RORA: variants seen among roughly 807,000 people sequenced by gnomAD.
The protein encoded by RORA is nuclear receptor ROR-alpha.
In RORA, 7 loss-of-function variants were observed where a neutral mutation model predicts 69.5. That is an observed-to-expected ratio of 0.10 (90% CI 0.06 to 0.19). RORA has a LOEUF of 0.19. RORA is among the 10% of genes least tolerant of loss of function. The pLI is 1.00. For missense variants in RORA, 457 were observed against 663.0 expected (o/e 0.69, Z 3.41); for synonymous variants, 261 against 240.8 (o/e 1.08, Z -0.78).
At chr15:60,651,338 G>A (rs1326674629) in intron 2 of RORA, among the ~76,000 whole-genome samples, 1 of 152,070 alleles carries the variant, frequency 6.6e-6, no homozygotes, top group Non-Finnish European at 1.5e-5. Context: ...AATACCACAC[G>A]TTGCTTGCCT....
chr15:60,947,148 A>G (rs1172770632), intron 1 of RORA, among the ~76,000 whole-genome samples: 2 of 151,490 alleles, frequency 1.3e-5, no homozygotes, highest in African/African-American at 4.9e-5. Flanking sequence ...CCCTTCTGGG[A>G]AGTGAGGAGC....
chr15:60,857,207 A>G (rs928653601), intron 1 of RORA, among the ~76,000 whole-genome samples: 4 of 152,186 alleles, frequency 2.6e-5, no homozygotes, highest in African/African-American at 9.7e-5. Context: ...TGAGGGGCAC[A>G]TGGGTGAAGT....
chr15:60,830,052 G>A (rs1237391220), intron 1 of RORA, among the ~76,000 whole-genome samples: 1 of 152,210 alleles, frequency 6.6e-6, no homozygotes, highest in African/African-American at 2.4e-5. Flanking sequence ...CTTTGTGTTA[G>A]AACTCACTCA....
chr15:60,682,000 C>T (rs1331445908), intron 1 of RORA: 1 of 152,174 alleles, frequency 6.6e-6, no homozygotes, highest in African/African-American at 2.4e-5. Flanking sequence ...CTTAAGGTAA[C>T]TAGATCTGGA....
At chr15:61,159,200 A>T (rs1046512016) in intron 1 of RORA, among the ~76,000 whole-genome samples, 1 of 152,194 alleles carries the variant, frequency 6.6e-6, no homozygotes, top group Admixed American at 6.5e-5. Context: ...CTTAGCCTAT[A>T]TCAAGAGTCC....
chr15:60,883,174 G>C lies in RORA; in HGVS notation c.167-204488C>G, dbSNP rs1414046366. 4.6e-5 allele frequency among the ~76,000 whole-genome samples: 6 copies of C among 131,084 alleles called. No individual in the cohort carries two copies. In the East Asian group the frequency reaches 1.2e-3, roughly 26 times the overall value. The allele number at this position is 131,084 out of a possible 152,430, so 86.0% of individuals were successfully genotyped here. ...AAAGAAAGAGAGAGAGAGAGAGAGA[G>C]AGAGAGAGAAAGAAAGAAAACCTAT... is the stretch of plus-strand genomic sequence containing the variant. On this transcript the variant is annotated intron_variant, in intron 1 of 10. Coordinates refer to ENST00000335670, the MANE Select transcript of RORA (RefSeq NM_134261.3).
chr15:60,977,554 A>C (rs993970084), intron 1 of RORA, among the ~76,000 whole-genome samples: 1 of 152,166 alleles, frequency 6.6e-6, no homozygotes, highest in African/African-American at 2.4e-5. Context: ...GACCATCAAG[A>C]CTATCTAATT....
intron 1 of RORA, among the ~76,000 whole-genome samples, chr15:61,075,368 C>G (rs754440925): frequency 1.3e-5 from 2 of 152,122 alleles, no homozygotes; most frequent in Non-Finnish European, 2.9e-5. Flanking sequence ...AAGGGAGTTG[C>G]CATGACTCAG....
intron 2 of RORA, among the ~76,000 whole-genome samples, chr15:60,657,030 T>G (rs1489919805): frequency 6.6e-6 from 1 of 152,210 alleles, no homozygotes; most frequent in East Asian, 1.9e-4. Context: ...ATATGGGTCA[T>G]GTGTCTGCAG....
At chr15:61,072,771 A>G (rs951775586) in intron 1 of RORA, among the ~76,000 whole-genome samples, 1 of 152,244 alleles carries the variant, frequency 6.6e-6, no homozygotes, top group Non-Finnish European at 1.5e-5. Flanking sequence ...TGAGGCTACC[A>G]TATGACCCTA....
intron 1 of RORA, among the ~76,000 whole-genome samples, chr15:60,824,683 C>T (rs341378): frequency 0.26 from 39,281 of 152,066 alleles, 5,536 homozygotes; most frequent in Admixed American, 0.35. Flanking sequence ...ATTCCTCACT[C>T]GTACGATTGT....
intron 2 of RORA, among the ~76,000 whole-genome samples, chr15:60,651,575 T>G (rs2070143043): frequency 6.6e-6 from 1 of 152,288 alleles, no homozygotes; most frequent in Non-Finnish European, 1.5e-5. Context: ...CATGCCACTA[T>G]TCTATGGAAC....
intron 3 of RORA, among the ~76,000 whole-genome samples, chr15:60,521,530 C>T (rs28683768): frequency 0.28 from 42,004 of 152,010 alleles, 6,517 homozygotes; most frequent in African/African-American, 0.41. Flanking sequence ...CGTGAGCCAC[C>T]GTACCTGGCC....
At chr15:61,044,645 C>T (rs982270452) in intron 1 of RORA, among the ~76,000 whole-genome samples, 4 of 152,166 alleles carry the variant, frequency 2.6e-5, no homozygotes, top group Admixed American at 6.5e-5. Flanking sequence ...CATGGTCACA[C>T]AAATATTTAA....
rs138282833 is a variant in RORA at position 60,869,551 on chromosome 15, T to C, written c.167-190865A>G. 8.1e-4 allele frequency among the ~76,000 whole-genome samples: 123 copies of C among 152,342 alleles called. 1 individual carries two copies. Among genetic ancestry groups the C allele is most frequent in the African/African-American group, 2.9e-3 (119 of 41,576 alleles). ...TAGAGTCTCTCCAAATAGACTCTTA[T>C]CAACAGGAGATTGCCAGTGGGCAGG... On this transcript the variant is annotated intron_variant, in intron 1 of 10. Transcript: ENST00000335670.
At chr15:60,646,863 C>G (rs1255465644) in intron 2 of RORA, among the ~76,000 whole-genome samples, 1 of 152,182 alleles carries the variant, frequency 6.6e-6, no homozygotes, top group Non-Finnish European at 1.5e-5. Context: ...GTTTCCTCAC[C>G]CAGTGATAAT....
chr15:60,841,111 A>T, intron 1 of RORA: 2 of 984,522 alleles, frequency 2.0e-6, no homozygotes, highest in Non-Finnish European at 2.4e-6. Flanking sequence ...TTCAGCAGAG[A>T]GCTGAGGGAA....
intron 1 of RORA, among the ~76,000 whole-genome samples, chr15:60,822,423 C>G (rs1021839609): frequency 9.8e-5 from 15 of 152,326 alleles, no homozygotes; most frequent in African/African-American, 3.1e-4. Context: ...CAGGTACAGA[C>G]AGTCCAACCG....
chr15:60,946,900 A>G (rs1231579199), intron 1 of RORA, among the ~76,000 whole-genome samples: 13 of 148,022 alleles, frequency 8.8e-5, no homozygotes, highest in Non-Finnish European at 1.8e-4. Flanking sequence ...GGATGTGAGG[A>G]GCGCCTCTGC....
Sources: gnomAD v4.1 joint callset for allele counts (sites outside exome capture counted in the v4.1 genomes callset) on GRCh38, gnomAD v4.1.1 for gene constraint, MANE v1.5 for transcripts, NCBI Gene and HGNC (gene_info 2026-07-23, HGNC 2026-07-21) for gene names.